HECW1: variants seen among roughly 807,000 people sequenced by gnomAD.
HECW1 encodes E3 ubiquitin-protein ligase HECW1.
A neutral mutation model predicts 182.3 loss-of-function variants in HECW1; 61 were observed. The ratio of observed to expected loss-of-function variants is 0.33; its 90% CI spans 0.27 to 0.41. The LOEUF (loss-of-function observed/expected upper bound fraction) is 0.41. HECW1 is among the 10% of genes least tolerant of loss of function. The pLI is 1.00. For missense variants in HECW1, 1,739 were observed against 2,108.9 expected, an observed-to-expected ratio of 0.82 and a Z score of 3.44; for synonymous variants, 859 against 832.6, an observed-to-expected ratio of 1.03 and a Z score of -0.55.
intron 2 of HECW1, among the ~76,000 whole-genome samples, chr7:43,151,290 A>AT (rs1789299486): frequency 6.6e-6 from 1 of 152,188 alleles, no homozygotes; most frequent in African/African-American, 2.4e-5. Context: ...TCCTTGACTT[A>AT]GAGTTTCCAT....
intron 3 of HECW1, among the ~76,000 whole-genome samples, chr7:43,294,256 A>C (rs1309939638): frequency 6.6e-6 from 1 of 152,250 alleles, no homozygotes. Flanking sequence ...TGCCTTTGGC[A>C]TGTCCACTAA....
At chr7:43,452,357 T>C (rs1354059809) in intron 12 of HECW1, among the ~76,000 whole-genome samples, 1 of 152,252 alleles carries the variant, frequency 6.6e-6, no homozygotes, top group Non-Finnish European at 1.5e-5. Context: ...TAAATGATTG[T>C]ACATAAATCC....
At chr7:43,352,008 T>C (rs986360476) in intron 5 of HECW1, among the ~76,000 whole-genome samples, 1 of 152,204 alleles carries the variant, frequency 6.6e-6, no homozygotes, top group South Asian at 2.1e-4. Flanking sequence ...TTTTAAGTTT[T>C]ATCCCCTTAA....
At chr7:43,279,338 G>T (rs1269909614) in intron 3 of HECW1, among the ~76,000 whole-genome samples, 3 of 152,110 alleles carry the variant, frequency 2.0e-5, no homozygotes, top group Admixed American at 2.0e-4. Context: ...AATTGAGTGA[G>T]AAGAAGCATT....
chr7:43,218,078 G>A (rs1474857682), intron 2 of HECW1, among the ~76,000 whole-genome samples: 1 of 152,172 alleles, frequency 6.6e-6, no homozygotes, highest in Non-Finnish European at 1.5e-5. Flanking sequence ...TGTGTAAATG[G>A]CCCAACAAAG....
intron 2 of HECW1, among the ~76,000 whole-genome samples, chr7:43,179,666 T>A (rs1429874690): frequency 6.6e-6 from 1 of 152,178 alleles, no homozygotes; most frequent in South Asian, 2.1e-4. Flanking sequence ...AAGAAGTGTT[T>A]TAAATATATT....
At chr7:43,528,554 A>ACTGG (rs1464960866) in intron 24 of HECW1, among the ~76,000 whole-genome samples, 1 of 152,222 alleles carries the variant, frequency 6.6e-6, no homozygotes. Context: ...GAAGAGCAAT[A>ACTGG]CTAAGTATGT....
intron 24 of HECW1, among the ~76,000 whole-genome samples, chr7:43,523,379 C>T (rs113717921): frequency 3.9e-5 from 6 of 152,118 alleles, no homozygotes; most frequent in South Asian, 2.1e-4. Context: ...TTTGTGGGGC[C>T]GCTAGAAGGA....
intron 3 of HECW1, among the ~76,000 whole-genome samples, chr7:43,303,432 G>A (rs943767330): frequency 3.3e-5 from 5 of 150,522 alleles, no homozygotes; most frequent in African/African-American, 9.8e-5. Flanking sequence ...TTTTATGAGC[G>A]ATAAGGCATT....
At chr7:43,294,388 A>G (rs1805782187) in intron 3 of HECW1, among the ~76,000 whole-genome samples, 1 of 152,050 alleles carries the variant, frequency 6.6e-6, no homozygotes, top group Non-Finnish European at 1.5e-5. Context: ...GGAGGATGAG[A>G]GAGGGAGGGT....
intron 5 of HECW1, among the ~76,000 whole-genome samples, chr7:43,360,036 C>T (rs1051674353): frequency 6.6e-6 from 1 of 152,130 alleles, no homozygotes; most frequent in Non-Finnish European, 1.5e-5. Context: ...ATTTACTGAG[C>T]ACTTAATTGA....
intron 10 of HECW1, among the ~76,000 whole-genome samples, chr7:43,443,597 A>G (rs2076955638): frequency 6.6e-6 from 1 of 152,204 alleles, no homozygotes; most frequent in South Asian, 2.1e-4. Flanking sequence ...AGAGTTAAAC[A>G]CTGGCTGGAT....
chr7:43,211,126 G>A (rs184822897), intron 2 of HECW1, among the ~76,000 whole-genome samples: 29 of 152,106 alleles, frequency 1.9e-4, no homozygotes, highest in Non-Finnish European at 3.8e-4. Context: ...CTCATTAGTC[G>A]GGTGTGAGCT....
intron 1 of HECW1, among the ~76,000 whole-genome samples, 154 bp downstream of exon 1, chr7:43,113,091 G>A (rs1375991699): frequency 6.6e-6 from 1 of 152,020 alleles, no homozygotes; most frequent in Non-Finnish European, 1.5e-5. Context: ...CTCCCGCGAG[G>A]TTCAATTGTC....
At chr7:43,143,871 C>T (rs181740565) in intron 2 of HECW1, among the ~76,000 whole-genome samples, 2 of 152,334 alleles carry the variant, frequency 1.3e-5, no homozygotes, top group Non-Finnish European at 1.5e-5. Flanking sequence ...CTAGAGGGAA[C>T]TAGGTAGTTT....
chr7:43,381,609 C>T (rs1366868981), intron 6 of HECW1, among the ~76,000 whole-genome samples: 1 of 151,930 alleles, frequency 6.6e-6, no homozygotes, highest in Non-Finnish European at 1.5e-5. Context: ...CCTGTCTCGA[C>T]CTCTCAAGTA....
At chr7:43,122,999 T>C (rs1395440424) in intron 2 of HECW1, among the ~76,000 whole-genome samples, 1 of 152,226 alleles carries the variant, frequency 6.6e-6, no homozygotes, top group Non-Finnish European at 1.5e-5. Flanking sequence ...TAGACAAAAA[T>C]CTGCTTATGG....
intron 28 of HECW1, among the ~76,000 whole-genome samples, chr7:43,552,806 T>C (rs914064354): frequency 6.6e-6 from 1 of 152,234 alleles, no homozygotes; most frequent in African/African-American, 2.4e-5. Context: ...ACTCATCACT[T>C]TTTGAAGACT....
At chr7:43,463,862 C>T in intron 14 of HECW1, 63 bp downstream of exon 14, 1 of 1,563,144 alleles carries the variant, frequency 6.4e-7, no homozygotes, top group Non-Finnish European at 8.8e-7. Flanking sequence ...CAGAGGGCTA[C>T]AAGCCTCCCA....
Sources: gnomAD v4.1 joint callset for allele counts (sites outside exome capture counted in the v4.1 genomes callset) on GRCh38, gnomAD v4.1.1 for gene constraint, MANE v1.5 for transcripts, NCBI Gene and HGNC (gene_info 2026-07-23, HGNC 2026-07-21) for gene names.